The following ESRRG variants were observed in gnomAD, a reference collection of about 807,000 sequenced individuals.
The protein encoded by ESRRG is estrogen related receptor gamma.
ESRRG carries 13 observed loss-of-function variants against 44.0 expected under a neutral mutation model. The observed-to-expected ratio is 0.30, with a 90% CI of 0.19 to 0.47. The LOEUF (loss-of-function observed/expected upper bound fraction) is 0.47, where lower values mean the gene tolerates loss of function less well. ESRRG is among the 20% of genes least tolerant of loss of function. The probability of loss-of-function intolerance (pLI) is 1.00; values close to 1 mark genes in which losing one functional copy is unlikely to be tolerated. For missense variants in ESRRG, 395 were observed against 580.6 expected, an observed-to-expected ratio of 0.68 and a Z score of 3.29; for synonymous variants, 215 against 214.6, an observed-to-expected ratio of 1.00 and a Z score of -0.02.
chr1:217,081,239 T>TTG (rs1288728376), intron 1 of ESRRG, among the ~76,000 whole-genome samples: 31 of 139,298 alleles, frequency 2.2e-4, no homozygotes, highest in Non-Finnish European at 4.2e-4. Flanking sequence ...TTTTTTTTTT[T>TTG]TTTTTGAGAC....
At chr1:216,826,167 A>G (rs1240737616) in intron 2 of ESRRG, among the ~76,000 whole-genome samples, 1 of 150,950 alleles carries the variant, frequency 6.6e-6, no homozygotes, top group Non-Finnish European at 1.5e-5. Context: ...GTCACTATGA[A>G]CCAAGCAAAT....
intron 5 of ESRRG, among the ~76,000 whole-genome samples, chr1:216,533,490 A>C (rs2149152606): frequency 6.6e-6 from 1 of 152,282 alleles, no homozygotes; most frequent in South Asian, 2.1e-4. Context: ...GCATTTATTT[A>C]ATGTGTAGAG....
At position 216,643,870 on chromosome 1, in the gene ESRRG, T is replaced by C. The variant is rs1157206435; in HGVS notation, c.589+7103A>G. On this transcript the variant is annotated intron_variant, in intron 3 of 6. Transcript: ENST00000408911. Reference sequence around the variant, plus strand: ...TGCTGCTTATTGGGATTTCCAGGACTTTTTCCCATTTTGTCCACCCACCAA... The same window carrying C: ...TGCTGCTTATTGGGATTTCCAGGACCTTTTCCCATTTTGTCCACCCACCAA... Among the ~76,000 whole-genome samples, 4 of 152,140 alleles carry C rather than the reference T, an allele frequency of 2.6e-5. 1 individual carries two copies. Among genetic ancestry groups the C allele is most frequent in the Admixed American group, 2.0e-4 (3 of 15,266 alleles).
chr1:216,993,866 C>T (rs554826367), intron 1 of ESRRG, among the ~76,000 whole-genome samples: 2 of 152,284 alleles, frequency 1.3e-5, no homozygotes, highest in East Asian at 3.9e-4. Flanking sequence ...TTACTTCTTT[C>T]AGAAAAATGG....
chr1:216,972,599 G>A (rs2071923695), intron 1 of ESRRG, among the ~76,000 whole-genome samples: 1 of 152,146 alleles, frequency 6.6e-6, no homozygotes, highest in Non-Finnish European at 1.5e-5. Context: ...TGACATGCTG[G>A]AACCTCAGAA....
At chr1:217,056,801 A>T (rs2087198872) in intron 1 of ESRRG, among the ~76,000 whole-genome samples, 1 of 151,650 alleles carries the variant, frequency 6.6e-6, no homozygotes, top group Non-Finnish European at 1.5e-5. Flanking sequence ...CCAAAATACC[A>T]GTTAATGGGG....
chr1:216,600,183 G>A (rs1174201170), intron 3 of ESRRG, among the ~76,000 whole-genome samples: 5 of 152,172 alleles, frequency 3.3e-5, no homozygotes, highest in Non-Finnish European at 7.3e-5. Context: ...GCCGGGGGTT[G>A]GGGAAGGGAA....
intron 1 of ESRRG, among the ~76,000 whole-genome samples, chr1:216,684,374 G>A (rs373713242): frequency 2.0e-5 from 3 of 152,186 alleles, no homozygotes; most frequent in Admixed American, 1.3e-4. Context: ...ATGCAGAGGC[G>A]CTTAGTAGTG....
At chr1:216,550,515 C>A (rs114986047) in intron 5 of ESRRG, among the ~76,000 whole-genome samples, 557 of 152,180 alleles carry the variant, frequency 3.7e-3, no homozygotes, top group South Asian at 6.0e-3. Context: ...GACTAAGCAG[C>A]CTTTACACAG....
intron 1 of ESRRG, among the ~76,000 whole-genome samples, chr1:216,710,527 T>G (rs760519828): frequency 6.6e-6 from 1 of 152,302 alleles, no homozygotes; most frequent in Non-Finnish European, 1.5e-5. Context: ...TGTCTTTTGG[T>G]AAAATTGATG....
rs756336663 is a variant in ESRRG, at chr1:216,640,841, GT to G, written c.589+10131del. Among the ~76,000 whole-genome samples the G allele has an allele frequency of 1.1e-4, 16 of 152,268 alleles. No individual in the cohort carries two copies. The East Asian group carries it at 2.7e-3, about 26-fold the overall frequency. ...CGTTGGTGACAAGGAACAAAAATCTGTTGTTTGAAGGCTGGTGGGGAAAAAA... is the reference window on the plus strand; with the variant it reads ...CGTTGGTGACAAGGAACAAAAATCTGTGTTTGAAGGCTGGTGGGGAAAAAA... On this transcript the variant is annotated intron_variant, in intron 3 of 6. Transcript: ENST00000408911.
intron 1 of ESRRG, among the ~76,000 whole-genome samples, chr1:217,073,077 G>A (rs1325138518): frequency 6.6e-6 from 1 of 151,760 alleles, no homozygotes; most frequent in East Asian, 1.9e-4. Context: ...AAGAAGGTTG[G>A]CTGGGAAGTG....
rs534217044 is a variant in ESRRG at position 216,877,054 on chromosome 1, A to T, written c.-14+62528T>A. On this transcript the variant is annotated intron_variant, in intron 2 of 7. Transcript: ENST00000359162. The stretch of plus-strand genomic sequence containing the variant: ...GAAGAATAAAGGTGTAAACAACATT[A>T]CCACAAAACAATATTTGCCCTAATG... Among the ~76,000 whole-genome samples the T allele has an allele frequency of 1.0e-3, 158 of 151,732 alleles. 1 individual carries two copies. Among genetic ancestry groups the T allele is most frequent in the African/African-American group, 3.6e-3 (151 of 41,388 alleles).
intron 3 of ESRRG, among the ~76,000 whole-genome samples, chr1:216,637,350 T>C (rs2150820337): frequency 6.6e-6 from 1 of 152,210 alleles, no homozygotes; most frequent in East Asian, 1.9e-4. Flanking sequence ...AATCAGAAAA[T>C]GTTCTTGTTA....
intron 5 of ESRRG, among the ~76,000 whole-genome samples, chr1:216,533,630 T>C (rs1215878866): frequency 1.3e-5 from 2 of 152,160 alleles, no homozygotes; most frequent in East Asian, 3.9e-4. Context: ...CTTTTTAAAG[T>C]ATCAGTTTTG....
intron 1 of ESRRG, among the ~76,000 whole-genome samples, chr1:217,110,503 C>G (rs113156145): frequency 2.4e-4 from 37 of 152,296 alleles, no homozygotes; most frequent in African/African-American, 8.2e-4. Flanking sequence ...TTACTTGGCT[C>G]ACAGTTCTGA....
chr1:216,938,400 A>C (rs1235464982), intron 2 of ESRRG, among the ~76,000 whole-genome samples: 1 of 152,192 alleles, frequency 6.6e-6, no homozygotes, highest in African/African-American at 2.4e-5. Flanking sequence ...AGAATCATGT[A>C]ACTGAATGAT....
intron 2 of ESRRG, among the ~76,000 whole-genome samples, chr1:216,852,742 C>T (rs1287691106): frequency 1.3e-5 from 2 of 152,088 alleles, no homozygotes; most frequent in Admixed American, 1.3e-4. Flanking sequence ...TATTGAAGCC[C>T]TAAATGTCAG....
chr1:216,919,759 T>A (rs551624075), intron 2 of ESRRG, among the ~76,000 whole-genome samples: 1 of 152,300 alleles, frequency 6.6e-6, no homozygotes, highest in South Asian at 2.1e-4. Flanking sequence ...AATTTGAATT[T>A]TAAGCAGAAC....
Sources: gnomAD v4.1 joint callset for allele counts (sites outside exome capture counted in the v4.1 genomes callset) on GRCh38, gnomAD v4.1.1 for gene constraint, MANE v1.5 for transcripts, NCBI Gene and HGNC (gene_info 2026-07-23, HGNC 2026-07-21) for gene names.